Variants in CCM2 observed in about 807,000 individuals in gnomAD.
The protein encoded by CCM2 is cerebral cavernous malformations 2 protein.
Under a neutral mutation model 44.9 loss-of-function variants are expected in CCM2, and 25 were observed. The ratio of observed to expected loss-of-function variants is 0.56; its 90% CI spans 0.41 to 0.78. The LOEUF (loss-of-function observed/expected upper bound fraction) is 0.78, where lower values mean the gene tolerates loss of function less well. CCM2 is among the 30% of genes least tolerant of loss of function. The pLI, the probability that CCM2 is intolerant of heterozygous loss-of-function variation, is 0.00. For synonymous variants in CCM2, 219 were observed against 241.1 expected (o/e 0.91, Z 0.85); for missense variants, 481 against 580.6 (o/e 0.83, Z 1.76).
intron 1 of CCM2, among the ~76,000 whole-genome samples, chr7:45,012,575 C>T (rs1003424077): frequency 2.0e-5 from 3 of 152,082 alleles, no homozygotes; most frequent in Admixed American, 2.0e-4. Context: ...TTAGCAACTG[C>T]CGAAGAGTCT....
chr7:45,014,977 G>A (rs1332975889), intron 1 of CCM2, among the ~76,000 whole-genome samples: 2 of 152,126 alleles, frequency 1.3e-5, no homozygotes, highest in African/African-American at 4.8e-5. Context: ...TTCATGTTGT[G>A]CATCTGGCAT....
At chr7:45,072,306 A>G in intron 6 of CCM2, 4 of 344,504 alleles carry the variant, frequency 1.2e-5, no homozygotes, top group Non-Finnish European at 2.3e-5. Context: ...CTGCTGTGTG[A>G]CCTGGGCCAA....
At chr7:45,058,915 T>TG (rs1798395269) in intron 2 of CCM2, among the ~76,000 whole-genome samples, 1 of 151,644 alleles carries the variant, frequency 6.6e-6, no homozygotes, top group Non-Finnish European at 1.5e-5. Flanking sequence ...TTTTTTTTTT[T>TG]TGTATTTTTA....
At chr7:45,071,532 T>C (rs1156611726) in intron 6 of CCM2, 1 of 317,856 alleles carries the variant, frequency 3.1e-6, no homozygotes, top group African/African-American at 2.2e-5. Flanking sequence ...TTCTCTCTAC[T>C]ACAGCTATGC....
intron 2 of CCM2, among the ~76,000 whole-genome samples, chr7:45,055,883 G>A (rs550195944): frequency 2.6e-5 from 4 of 152,066 alleles, no homozygotes; most frequent in Non-Finnish European, 5.9e-5. Context: ...TTTACTTTTT[G>A]TCTCTATGAT....
At chr7:45,003,276 A>G (rs1336373989) in intron 1 of CCM2, among the ~76,000 whole-genome samples, 1 of 151,690 alleles carries the variant, frequency 6.6e-6, no homozygotes, top group African/African-American at 2.4e-5. Flanking sequence ...GGGTTTCTCC[A>G]TGTTGGTCAG....
intron 1 of CCM2, among the ~76,000 whole-genome samples, chr7:45,020,429 C>T (rs1347439005): frequency 6.6e-6 from 1 of 151,926 alleles, no homozygotes; most frequent in East Asian, 1.9e-4. Context: ...CTTTATTCTT[C>T]TTTAGGGTGG....
intron 1 of CCM2, among the ~76,000 whole-genome samples, chr7:45,019,579 G>A (rs1796400491): frequency 6.6e-6 from 1 of 152,108 alleles, no homozygotes; most frequent in Admixed American, 6.5e-5. Context: ...GCTAGGGAGA[G>A]CTAAAATCTC....
In CCM2 at chr7:45,000,369, C is replaced by A; in HGVS notation, c.30+6C>A. The A allele has an allele frequency of 1.5e-6, 2 of 1,292,334 alleles. No homozygotes were observed. The highest frequency in any genetic ancestry group is 2.0e-6 in the Non-Finnish European group (2 of 1,012,282). 80.1% of individuals were successfully genotyped at this position (1,292,334 alleles called of 1,614,324 possible). ...AGGGCAAGAAGGGCAAGAAGGTGAG[C>A]GTGCGCGGGGGCGTCCTACTGCTGT... On this transcript the variant is annotated splice_donor_region_variant and intron_variant, in intron 1 of 9. Transcript: ENST00000258781.
intron 1 of CCM2, 113 bp from the exon 2 acceptor site, chr7:45,038,140 C>A: frequency 8.0e-7 from 1 of 1,255,420 alleles, no homozygotes. Context: ...TCAGTGATCC[C>A]TGTTGCATGG....
At chr7:45,068,052 C>T (rs1249614773) in intron 4 of CCM2, 1 of 348,024 alleles carries the variant, frequency 2.9e-6, no homozygotes, top group Non-Finnish European at 5.6e-6. Context: ...GACAGTGCAA[C>T]TCACACGCCC....
At chr7:45,016,519 G>A (rs2331205) in intron 1 of CCM2, among the ~76,000 whole-genome samples, 72,319 of 149,326 alleles carry the variant, frequency 0.48, 18,571 homozygotes, top group East Asian at 0.71. Flanking sequence ...TAGTAGAGAC[G>A]GGGTTTCATT....
intron 1 of CCM2, among the ~76,000 whole-genome samples, chr7:45,026,597 ATTT>A (rs747619583): frequency 8.7e-6 from 1 of 114,424 alleles, no homozygotes. Context: ...CTCTAACCAG[ATTT>A]TTTTTTTTTT....
chr7:45,042,684 G>C (rs377204970), intron 2 of CCM2, among the ~76,000 whole-genome samples: 2 of 152,184 alleles, frequency 1.3e-5, no homozygotes, highest in South Asian at 2.1e-4. Context: ...TCCACACACA[G>C]TGGGCCAAAA....
At chr7:45,009,556 C>T (rs1311816109) in intron 1 of CCM2, among the ~76,000 whole-genome samples, 1 of 151,952 alleles carries the variant, frequency 6.6e-6, no homozygotes, top group Non-Finnish European at 1.5e-5. Flanking sequence ...AGGCATGTGC[C>T]ATCACGCCTG....
In CCM2 at chr7:45,028,367, C is replaced by T. The variant is rs532847328; in HGVS notation, c.31-9886C>T. Among the ~76,000 whole-genome samples the T allele has an allele frequency of 5.3e-5, 8 of 152,182 alleles. No homozygotes were observed. In the South Asian group the frequency reaches 1.2e-3, roughly 24 times the overall value. Reference sequence around the variant, plus strand: ...CAGAGCTCTGGTTCCCCTTGAAATTCGCTCTGTCAGCCGGGTACAGTGGCT... The same window carrying T: ...CAGAGCTCTGGTTCCCCTTGAAATTTGCTCTGTCAGCCGGGTACAGTGGCT... On this transcript the variant is annotated intron_variant, in intron 1 of 9. Transcript: ENST00000258781.
rs1432146952 is a variant in CCM2, at chr7:45,074,264, T to C, written c.916-6T>C. 1 of 1,613,368 alleles carries C rather than the reference T, an allele frequency of 6.2e-7. No individual in the cohort carries two copies. The highest frequency in any genetic ancestry group is 2.2e-5 in the East Asian group (1 of 44,898). ...CAGCCCCCTATCTGGCTCTGCTCTC[T>C]TGCAGCTGCGCACCAAGCTGTCATC... On this transcript the variant is annotated splice_polypyrimidine_tract_variant and splice_region_variant and intron_variant, in intron 8 of 9. Transcript: ENST00000258781.
intron 1 of CCM2, among the ~76,000 whole-genome samples, chr7:45,007,888 A>G (rs1431024665): frequency 6.6e-6 from 1 of 152,184 alleles, no homozygotes; most frequent in Non-Finnish European, 1.5e-5. Context: ...AGAAGCCTTT[A>G]TTTAAATCTT....
chr7:45,024,776 C>CT (rs1023265829), intron 1 of CCM2, among the ~76,000 whole-genome samples: 19 of 152,048 alleles, frequency 1.2e-4, no homozygotes, highest in African/African-American at 3.4e-4. Context: ...TTTACAGGTA[C>CT]TTTTTTTTGC....
Sources: gnomAD v4.1 joint callset for allele counts (sites outside exome capture counted in the v4.1 genomes callset) on GRCh38, gnomAD v4.1.1 for gene constraint, MANE v1.5 for transcripts, NCBI Gene and HGNC (gene_info 2026-07-23, HGNC 2026-07-21) for gene names.